The following VWA8 variants were observed in gnomAD, a reference collection of about 807,000 sequenced individuals.
VWA8 encodes the protein von Willebrand factor A domain-containing protein 8.
Under a neutral mutation model 241.5 loss-of-function variants are expected in VWA8, and 221 were observed. That is an observed-to-expected ratio of 0.91 (90% CI 0.82 to 1.02). The LOEUF (loss-of-function observed/expected upper bound fraction) is 1.02, where lower values mean the gene tolerates loss of function less well. Among genes scored for constraint, VWA8 ranks in the 50% least tolerant of loss-of-function variants. VWA8 has a pLI of 0.00. For missense variants in VWA8, 2,322 were observed against 2,328.7 expected (o/e 1.00, Z 0.06); for synonymous variants, 852 against 827.1 (o/e 1.03, Z -0.52).
In VWA8 at chr13:41,671,906, C is replaced by A. The variant is rs9562332; in HGVS notation, c.4410-759G>T. ...CTCTATAGTATTCTGCTGTAACAGC[C>A]TGATCTAAGACAGAACTCTAATAAT... On this transcript the variant is annotated intron_variant, in intron 36 of 44. Coordinates refer to ENST00000379310, the MANE Select transcript of VWA8 (RefSeq NM_015058.2). Among the ~76,000 whole-genome samples, 6 of 152,156 alleles carry A rather than the reference C, an allele frequency of 3.9e-5. No homozygotes were observed. In the South Asian group the frequency reaches 8.3e-4, roughly 21 times the overall value.
chr13:41,692,932 A>G lies in VWA8; in HGVS notation c.3605T>C (p.Leu1202Pro), dbSNP rs2045188710. Residue 1202 changes from leucine to proline, a missense_variant, in exon 30 of 45, where the codon CTT (leucine) becomes CCT (proline). Physicochemically the swap from Leu to Pro is moderately conservative, Grantham distance 98. Transcript: ENST00000379310. ...ILLLDTTGRA[L>P]HRLILPSEKF... The stretch of plus-strand genomic sequence containing the variant: ...CTCGGAAGGGAGGATGAGACGATGA[A>G]GGGCCCGGCCAGTAGTATCTAACAA... The G allele has an allele frequency of 6.2e-7, 1 of 1,610,888 alleles. No individual in the cohort carries two copies. The highest frequency in any genetic ancestry group is 1.1e-5 in the South Asian group (1 of 90,974).
At chr13:41,797,897 A>G (rs1869777022) in intron 17 of VWA8, among the ~76,000 whole-genome samples, 1 of 152,110 alleles carries the variant, frequency 6.6e-6, no homozygotes, top group African/African-American at 2.4e-5. Context: ...ATCTTGTGTA[A>G]TATTTGTGCT....
chr13:41,584,498 G>T (rs2044404236), intron 42 of VWA8, among the ~76,000 whole-genome samples: 1 of 152,186 alleles, frequency 6.6e-6, no homozygotes, highest in South Asian at 2.1e-4. Flanking sequence ...TCTGAAAGAG[G>T]CTCAAAGAGC....
rs75030850 is a variant in VWA8 at position 41,889,396 on chromosome 13, T to C, written c.651+2024A>G. Among the ~76,000 whole-genome samples the C allele has an allele frequency of 7.2e-5, 11 of 151,990 alleles. No homozygotes were observed. In the South Asian group the frequency reaches 2.1e-3, roughly 29 times the overall value. ...GTACTAAGCCTATTTTTTTTTTTTT[T>C]CCGACAGAGTCTCGCTCCCTCACCC... On this transcript the variant is annotated intron_variant, in intron 5 of 44. Transcript: ENST00000379310.
chr13:41,947,327 T>C lies in VWA8; in HGVS notation c.241+2609A>G, dbSNP rs558549921. Reference sequence around the variant, plus strand: ...CATGACCAATGACTGGAACAAAGAATAGGAGAGGAGAGTGGCATGAGATGA... The same window carrying C: ...CATGACCAATGACTGGAACAAAGAACAGGAGAGGAGAGTGGCATGAGATGA... On this transcript the variant is annotated intron_variant, in intron 2 of 44. Coordinates refer to ENST00000379310, the MANE Select transcript of VWA8 (RefSeq NM_015058.2). 7.2e-5 allele frequency among the ~76,000 whole-genome samples: 11 copies of C among 152,284 alleles called. No individual in the cohort carries two copies. The South Asian group carries it at 1.9e-3, about 26-fold the overall frequency.
At chr13:41,616,338 C>G (rs2044619853) in intron 37 of VWA8, among the ~76,000 whole-genome samples, 1 of 152,136 alleles carries the variant, frequency 6.6e-6, no homozygotes, top group Non-Finnish European at 1.5e-5. Flanking sequence ...GCAGGATCAA[C>G]AAAGTTTTTG....
At chr13:41,800,873 C>G (rs1593780913) in intron 17 of VWA8, among the ~76,000 whole-genome samples, 1 of 151,002 alleles carries the variant, frequency 6.6e-6, no homozygotes, top group Middle Eastern at 3.5e-3. Flanking sequence ...AATATAAAAT[C>G]ACACAAAAAT....
intron 34 of VWA8, 83 bp from the exon 35 acceptor site, chr13:41,685,325 A>G (rs2045128771): frequency 3.9e-6 from 5 of 1,274,808 alleles, no homozygotes; most frequent in Non-Finnish European, 5.4e-6. Context: ...CTTTAAGCAG[A>G]TACTAGTGGG....
At chr13:41,639,677 C>T (rs1178755991) in intron 37 of VWA8, among the ~76,000 whole-genome samples, 1 of 152,116 alleles carries the variant, frequency 6.6e-6, no homozygotes, top group Non-Finnish European at 1.5e-5. Flanking sequence ...ACTCTCACGG[C>T]ATAAAGTGAG....
At chr13:41,575,685 C>G (rs550729234) in intron 43 of VWA8, 55 bp downstream of exon 43, 4 of 1,341,862 alleles carry the variant, frequency 3.0e-6, no homozygotes, top group Non-Finnish European at 4.2e-6. Context: ...TCCTTTTAGT[C>G]TTTACCTAAC....
At chr13:41,831,656 G>A (rs1192979454) in intron 13 of VWA8, among the ~76,000 whole-genome samples, 2 of 131,020 alleles carry the variant, frequency 1.5e-5, no homozygotes, top group African/African-American at 6.1e-5. Context: ...TCTCCCTCTC[G>A]TCACCCAGGC....
intron 20 of VWA8, among the ~76,000 whole-genome samples, chr13:41,761,491 A>G (rs1349960796): frequency 6.6e-6 from 1 of 152,046 alleles, no homozygotes; most frequent in African/African-American, 2.4e-5. Flanking sequence ...ATTTACACTG[A>G]AGTCTAGGCA....
chr13:41,624,720 C>T (rs748279806), intron 37 of VWA8, among the ~76,000 whole-genome samples: 1 of 152,178 alleles, frequency 6.6e-6, no homozygotes, highest in Non-Finnish European at 1.5e-5. Flanking sequence ...CAACATCATA[C>T]TGAATGGGCA....
intron 1 of VWA8, among the ~76,000 whole-genome samples, chr13:41,951,299 C>G (rs1452836153): frequency 2.6e-5 from 4 of 152,156 alleles, no homozygotes; most frequent in Non-Finnish European, 5.9e-5. Context: ...TACCTGTAAT[C>G]CCAGCTACTT....
intron 26 of VWA8, among the ~76,000 whole-genome samples, chr13:41,716,162 C>G (rs1252719845): frequency 6.6e-6 from 1 of 151,846 alleles, no homozygotes; most frequent in Non-Finnish European, 1.5e-5. Flanking sequence ...CAATTCTGAT[C>G]CTGGTACTAA....
intron 21 of VWA8, among the ~76,000 whole-genome samples, chr13:41,756,302 A>C (rs1215493163): frequency 6.6e-6 from 1 of 151,798 alleles, no homozygotes; most frequent in African/African-American, 2.4e-5. Flanking sequence ...TACACCTAGA[A>C]ATAATTACTA....
chr13:41,855,455 T>C (rs897572536), intron 12 of VWA8, among the ~76,000 whole-genome samples: 1 of 149,300 alleles, frequency 6.7e-6, no homozygotes, highest in African/African-American at 2.5e-5. Context: ...AGAGAAATAC[T>C]GATATAAACA....
At chr13:41,747,916 G>A (rs984286521) in intron 21 of VWA8, among the ~76,000 whole-genome samples, 16 of 152,292 alleles carry the variant, frequency 1.1e-4, no homozygotes, top group East Asian at 9.6e-4. Flanking sequence ...ATTTGTGTAT[G>A]TTGAACCAGC....
At chr13:41,853,116 G>A (rs1194171066) in intron 12 of VWA8, among the ~76,000 whole-genome samples, 1 of 152,054 alleles carries the variant, frequency 6.6e-6, no homozygotes, top group African/African-American at 2.4e-5. Context: ...TTTGTGATTT[G>A]GGTACATTTA....
Sources: allele counts gnomAD v4.1 joint callset (sites outside exome capture counted in the v4.1 genomes callset), GRCh38; gene constraint gnomAD v4.1.1; transcripts MANE v1.5; gene names NCBI Gene and HGNC (gene_info 2026-07-23, HGNC 2026-07-21).